NUP210: variants seen among roughly 807,000 people sequenced by gnomAD.
NUP210 encodes nucleoporin 210.
In NUP210, 151 loss-of-function variants were observed where a neutral mutation model predicts 196.0. The observed-to-expected ratio is 0.77, with a 90% CI of 0.67 to 0.88. The LOEUF is 0.88. Ranked by LOEUF, NUP210 falls within the 40% of genes least tolerant of loss-of-function variation. The pLI is 0.00. For synonymous variants in NUP210, 1,070 were observed against 1,052.7 expected, an observed-to-expected ratio of 1.02 and a Z score of -0.32; for missense variants, 2,314 against 2,493.7, an observed-to-expected ratio of 0.93 and a Z score of 1.53.
chr3:13,323,237 T>A lies in NUP210; in HGVS notation c.4768+72A>T, dbSNP rs1282424423. On this transcript the variant is annotated intron_variant, in intron 34 of 39. Coordinates refer to ENST00000254508, the MANE Select transcript of NUP210 (RefSeq NM_024923.4). This position sits in a 1 kb window ranked among gnomAD's most constrained non-coding sequence, Gnocchi z 4.3. ...GAATAGGAGAAGCAGATAAACTCCA[T>A]CCAGAGGACACAGGAAGCCACCTCC... 1.9e-6 allele frequency: 3 copies of A among 1,596,214 alleles called. No homozygotes were observed. In the Admixed American group the frequency reaches 5.1e-5, roughly 27 times the overall value.
intron 14 of NUP210, among the ~76,000 whole-genome samples, chr3:13,364,000 T>C (rs556797320): frequency 6.6e-6 from 1 of 152,212 alleles, no homozygotes; most frequent in Admixed American, 6.5e-5. Flanking sequence ...GCTCGGGGAT[T>C]TCAACTCTCT....
chr3:13,358,318 G>A lies in NUP210; in HGVS notation c.2232C>T (p.Phe744=), dbSNP rs146871106. ...TGAGCCTGGACGGTGGGGCGCAGAC[G>A]AACTTCACCACGGCAGGCTCCACCG... ...FPAVEPAVVK[F]VCAPPSRLTL... is the part of the protein sequence containing the mutation. The change falls in exon 16 of 40, where the codon TTC becomes TTT. Residue 744 remains phenylalanine (F), a synonymous_variant. Coordinates refer to ENST00000254508, the MANE Select transcript of NUP210 (RefSeq NM_024923.4). 7.4e-6 allele frequency: 12 copies of A among 1,613,792 alleles called. No individual in the cohort carries two copies. The highest frequency in any genetic ancestry group is 2.2e-5 in the East Asian group (1 of 44,880).
intron 25 of NUP210, among the ~76,000 whole-genome samples, chr3:13,338,643 G>A (rs1371348106): frequency 1.3e-5 from 2 of 152,320 alleles, no homozygotes; most frequent in Middle Eastern, 3.4e-3. Context: ...CTGGTTGTGT[G>A]CTCTGGATTG....
chr3:13,386,132 T>C (rs1452349050), intron 6 of NUP210, 143 bp downstream of exon 6: 1 of 844,866 alleles, frequency 1.2e-6, no homozygotes, highest in Non-Finnish European at 1.8e-6. Context: ...TGGTGATGGC[T>C]GCAGAAGAGT....
In NUP210 at chr3:13,349,063, T is replaced by A. The variant is rs188375534; in HGVS notation, c.2835+2816A>T. Among the ~76,000 whole-genome samples the A allele has an allele frequency of 4.8e-5, 5 of 105,084 alleles. No homozygotes were observed. The South Asian group carries it at 1.2e-3, about 26-fold the overall frequency. 68.9% of individuals were successfully genotyped at this position (105,084 alleles called of 152,430 possible). ...TGTAAGGAGGCCACAGACTTCCCCATGAAACATACACACAGCCGTTTAAAA... is the reference window on the plus strand; with the variant it reads ...TGTAAGGAGGCCACAGACTTCCCCAAGAAACATACACACAGCCGTTTAAAA... On this transcript the variant is annotated intron_variant, in intron 20 of 39. Transcript: ENST00000254508.
At chr3:13,396,368 G>T (rs1278852701) in intron 3 of NUP210, among the ~76,000 whole-genome samples, 1 of 152,130 alleles carries the variant, frequency 6.6e-6, no homozygotes, top group Non-Finnish European at 1.5e-5. Flanking sequence ...GTGAGCCTTG[G>T]TTTGGACTTG....
At position 13,399,775 on chromosome 3, in the gene NUP210, C is replaced by T. The variant is rs775364472; in HGVS notation, c.254G>A (p.Arg85His). 2.7e-5 allele frequency: 44 copies of T among 1,613,892 alleles called. No homozygotes were observed. The highest frequency in any genetic ancestry group is 3.3e-4 in the Middle Eastern group (2 of 6,084). ...GGTGAGGCGGGCAGGCTGGGTCAGG[C>T]GGGCCTGCACCACTGCCTTCTGGGA... ...QCSQKAVVQA[R>H]LTQPARLTSI... is the part of the protein sequence containing the mutation. The change falls in exon 2 of 40, where the codon CGC (arginine) becomes CAC (histidine). Residue 85 changes from arginine (R) to histidine (H), a missense_variant. Arg to His is a conservative substitution (Grantham distance 29, BLOSUM62 0). Coordinates refer to ENST00000254508, the MANE Select transcript of NUP210 (RefSeq NM_024923.4).
Position 13,342,108 on chromosome 3 carries a change from T to C in NUP210, c.2980A>G (p.Thr994Ala), listed in dbSNP as rs1697532659. Residue 994 changes from threonine to alanine, a missense_variant, in exon 22 of 40, where the codon ACA becomes GCA. Thr to Ala is a moderately conservative substitution (Grantham distance 58, BLOSUM62 0). Coordinates refer to ENST00000254508, the MANE Select transcript of NUP210 (RefSeq NM_024923.4). ...RVVDKVEIGK[T>A]VKAYVRVLDL... ...AGCACGCGGACGTATGCCTTCACTG[T>C]CTTCCCAATCTCCACCTGCATCATG... 3 of 1,614,098 alleles carry C rather than the reference T, an allele frequency of 1.9e-6. No individual in the cohort carries two copies. The South Asian group carries it at 3.3e-5, about 18-fold the overall frequency.
intron 1 of NUP210, among the ~76,000 whole-genome samples, chr3:13,412,247 T>TTTTTTCTA (rs1553605356): frequency 7.4e-6 from 1 of 135,646 alleles, no homozygotes; most frequent in African/African-American, 3.3e-5. Flanking sequence ...TTTTTTTTTT[T>TTTTTTCTA]AGTAGAGACA....
At chr3:13,394,123 G>A (rs900508897) in intron 3 of NUP210, among the ~76,000 whole-genome samples, 1 of 152,216 alleles carries the variant, frequency 6.6e-6, no homozygotes, top group Non-Finnish European at 1.5e-5. Flanking sequence ...ACCTTGGGCA[G>A]CCAAGGAGGG....
At chr3:13,415,559 T>C (rs1700320458) in intron 1 of NUP210, among the ~76,000 whole-genome samples, 1 of 152,110 alleles carries the variant, frequency 6.6e-6, no homozygotes, top group Non-Finnish European at 1.5e-5. Flanking sequence ...GGGAAAACAC[T>C]CTCAACGAAA....
chr3:13,318,412 T>C (rs1696362101), intron 39 of NUP210, among the ~76,000 whole-genome samples: 1 of 152,144 alleles, frequency 6.6e-6, no homozygotes, highest in African/African-American at 2.4e-5. Context: ...CTGGGTCTTC[T>C]TTCAAAAAAA....
At chr3:13,402,149 G>C (rs1338923750) in intron 1 of NUP210, among the ~76,000 whole-genome samples, 1 of 152,202 alleles carries the variant, frequency 6.6e-6, no homozygotes, top group Non-Finnish European at 1.5e-5. Context: ...GCAGTGAGTT[G>C]TGATTGTGTC....
chr3:13,329,092 G>A (rs1332812986), intron 30 of NUP210, 146 bp from the exon 31 acceptor site: 1 of 650,958 alleles, frequency 1.5e-6, no homozygotes, highest in Non-Finnish European at 2.6e-6. Context: ...CCTGAGAGGA[G>A]TAAAGGCCAC....
At chr3:13,415,853 C>T (rs1430825617) in intron 1 of NUP210, among the ~76,000 whole-genome samples, 2 of 152,162 alleles carry the variant, frequency 1.3e-5, no homozygotes, top group Non-Finnish European at 1.5e-5. Context: ...AGCGTGCATC[C>T]CTCACCCTTA....
At chr3:13,373,625 G>C in intron 12 of NUP210, 93 bp downstream of exon 12, 9 of 1,315,768 alleles carry the variant, frequency 6.8e-6, no homozygotes, top group Non-Finnish European at 9.7e-6. Flanking sequence ...AAGGTTGGGG[G>C]TGTTTCTGAG....
At chr3:13,381,056 T>C (rs1229662106) in intron 6 of NUP210, among the ~76,000 whole-genome samples, 2 of 152,226 alleles carry the variant, frequency 1.3e-5, no homozygotes, top group Non-Finnish European at 2.9e-5. Context: ...TAGGCTAGAA[T>C]TGAGAATCCC....
intron 18 of NUP210, among the ~76,000 whole-genome samples, chr3:13,352,719 G>A (rs1407765064): frequency 6.6e-6 from 1 of 152,186 alleles, no homozygotes; most frequent in Non-Finnish European, 1.5e-5. Context: ...ACCTCCTCAG[G>A]GCCACAGGTG....
intron 33 of NUP210, among the ~76,000 whole-genome samples, chr3:13,324,949 C>T (rs534306163): frequency 3.9e-4 from 60 of 152,204 alleles, no homozygotes; most frequent in Non-Finnish European, 6.9e-4. Context: ...GCAAGAAAAT[C>T]GGGACATAGC....
Sources: gnomAD v4.1 joint callset for allele counts (sites outside exome capture counted in the v4.1 genomes callset) on GRCh38, gnomAD v4.1.1 for gene constraint, Gnocchi (gnomAD v3.1) non-coding constraint, MANE v1.5 for transcripts, NCBI Gene and HGNC (gene_info 2026-07-23, HGNC 2026-07-21) for gene names.